SCD5: variants seen among roughly 807,000 people sequenced by gnomAD.
SCD5 encodes the protein acyl-CoA-desaturase 4.
In SCD5, 20 loss-of-function variants were observed where a neutral mutation model predicts 30.4. The observed-to-expected ratio is 0.66, with a 90% CI of 0.46 to 0.96. SCD5 has a LOEUF of 0.96. Ranked by LOEUF, SCD5 falls within the 40% of genes least tolerant of loss-of-function variation. The probability of loss-of-function intolerance (pLI) is 0.00; values close to 1 mark genes in which losing one functional copy is unlikely to be tolerated. For missense variants in SCD5, 381 were observed against 443.3 expected, an observed-to-expected ratio of 0.86 and a Z score of 1.26; for synonymous variants, 173 against 176.4, an observed-to-expected ratio of 0.98 and a Z score of 0.16.
At chr4:82,720,441 TAAAAA>T (rs1553917690) in intron 1 of SCD5, among the ~76,000 whole-genome samples, 10 of 77,896 alleles carry the variant, frequency 1.3e-4, no homozygotes, top group African/African-American at 4.8e-4. Context: ...AAGGCAAAAA[TAAAAA>T]AAAAAAAAAA....
chr4:82,784,500 T>C (rs547516389), intron 1 of SCD5, among the ~76,000 whole-genome samples: 16 of 152,306 alleles, frequency 1.1e-4, no homozygotes, highest in Admixed American at 6.5e-4. Flanking sequence ...TCAATTCTTT[T>C]TGGGGGGAGG....
chr4:82,695,473 A>G (rs145793704), intron 2 of SCD5, among the ~76,000 whole-genome samples: 1 of 152,330 alleles, frequency 6.6e-6, no homozygotes, highest in East Asian at 1.9e-4. Flanking sequence ...TGGCTTAAAA[A>G]TTGGTGAGGG....
At position 82,743,378 on chromosome 4, in the gene SCD5, T is replaced by G. The variant is rs1315146665; in HGVS notation, c.233-37965A>C. ...ATAAAAAACAAAAATTAGTGGGGTA[T>G]AGTGGCTCATACCTGTAGTCCCAGC... On this transcript the variant is annotated intron_variant, in intron 1 of 4. Transcript: ENST00000319540. Among the ~76,000 whole-genome samples, 3 of 152,016 alleles carry G rather than the reference T, an allele frequency of 2.0e-5. No individual in the cohort carries two copies. In the East Asian group the frequency reaches 5.8e-4, roughly 29 times the overall value.
rs114747399 is a variant in SCD5, at chr4:82,777,626, C to A, written c.232+20680G>T. 3.2e-3 allele frequency among the ~76,000 whole-genome samples: 491 copies of A among 152,302 alleles called. 4 individuals carry two copies. The highest frequency in any genetic ancestry group is 0.011 in the African/African-American group (465 of 41,550). ...TCACCATCTTGAAATTCTTAATAAT[C>A]ATTGAACAGGTGCTATATTTTCATT... On this transcript the variant is annotated intron_variant, in intron 1 of 4. Transcript: ENST00000319540.
intron 1 of SCD5, among the ~76,000 whole-genome samples, chr4:82,798,095 G>GGGGT (rs1378462547): frequency 4.0e-5 from 6 of 150,688 alleles, no homozygotes; most frequent in African/African-American, 1.2e-4. Context: ...GCGGGGGGGG[G>GGGGT]GCGGAAGTTG....
At chr4:82,795,571 T>C (rs966028181) in intron 1 of SCD5, among the ~76,000 whole-genome samples, 1 of 152,140 alleles carries the variant, frequency 6.6e-6, no homozygotes, top group African/African-American at 2.4e-5. Flanking sequence ...GGCTCACGCC[T>C]GTAATCCCAG....
At chr4:82,723,257 C>T (rs7686339) in intron 1 of SCD5, among the ~76,000 whole-genome samples, 2 of 151,756 alleles carry the variant, frequency 1.3e-5, no homozygotes, top group Admixed American at 6.6e-5. Context: ...TTGTTTGTGA[C>T]GTTTATTTAT....
chr4:82,648,609 G>C (rs970679112), intron 3 of SCD5, among the ~76,000 whole-genome samples: 4 of 152,204 alleles, frequency 2.6e-5, no homozygotes, highest in African/African-American at 9.7e-5. Context: ...GTCAGTTACT[G>C]TAAGAACTGG....
At chr4:82,648,525 G>A (rs1727677138) in intron 3 of SCD5, among the ~76,000 whole-genome samples, 1 of 25,548 alleles carries the variant, frequency 3.9e-5, no homozygotes, top group Admixed American at 5.0e-4. Context: ...AAACAACAGT[G>A]GATGCTCTGT....
At chr4:82,714,548 C>T (rs917805087) in intron 1 of SCD5, among the ~76,000 whole-genome samples, 1 of 152,056 alleles carries the variant, frequency 6.6e-6, no homozygotes, top group African/African-American at 2.4e-5. Context: ...GGTGTGAAGG[C>T]TGTGTGTGTT....
At chr4:82,775,043 C>T (rs1721716915) in intron 1 of SCD5, among the ~76,000 whole-genome samples, 1 of 152,218 alleles carries the variant, frequency 6.6e-6, no homozygotes, top group East Asian at 1.9e-4. Context: ...TGGCTCCCTT[C>T]CTCTCCCCCA....
chr4:82,636,725 G>A lies in SCD5; in HGVS notation c.668C>T (p.Ala223Val). 4 of 1,614,216 alleles carry A rather than the reference G, an allele frequency of 2.5e-6. No individual in the cohort carries two copies. Among genetic ancestry groups the A allele is most frequent in the Non-Finnish European group, 3.4e-6 (4 of 1,180,044 alleles). Residue 223 changes from alanine (A) to valine (V), a missense_variant, in exon 4 of 5, where the codon GCC (alanine) becomes GTC (valine). Physicochemically the swap from Ala to Val is moderately conservative, Grantham distance 64. Coordinates refer to ENST00000319540, the MANE Select transcript of SCD5 (RefSeq NM_001037582.3). Reference protein sequence around the residue: ...GESLWNSYFLASILRYTISLN... With the variant: ...GESLWNSYFLVSILRYTISLN... Reference sequence around the variant, plus strand: ...TGAGATGGTATAGCGGAGAATAGAGGCCAAGAAGTAGGAATTCCACAGACT... The same window carrying A: ...TGAGATGGTATAGCGGAGAATAGAGACCAAGAAGTAGGAATTCCACAGACT...
intron 1 of SCD5, among the ~76,000 whole-genome samples, chr4:82,797,926 C>T (rs1231762414): frequency 6.6e-6 from 1 of 152,166 alleles, no homozygotes; most frequent in Non-Finnish European, 1.5e-5. Flanking sequence ...AATCGCCCGC[C>T]CGTCCTCCCT....
At chr4:82,796,710 T>G (rs1425220957) in intron 1 of SCD5, among the ~76,000 whole-genome samples, 1 of 152,042 alleles carries the variant, frequency 6.6e-6, no homozygotes, top group Non-Finnish European at 1.5e-5. Context: ...GTCACCAGGC[T>G]CTGAGGACCA....
chr4:82,703,764 T>A (rs1370243057), intron 2 of SCD5, among the ~76,000 whole-genome samples: 1 of 152,216 alleles, frequency 6.6e-6, no homozygotes, highest in Non-Finnish European at 1.5e-5. Flanking sequence ...AAATGTTTTA[T>A]AACTACATGA....
At chr4:82,778,254 G>T (rs1247299257) in intron 1 of SCD5, among the ~76,000 whole-genome samples, 1 of 152,048 alleles carries the variant, frequency 6.6e-6, no homozygotes, top group Admixed American at 6.6e-5. Flanking sequence ...TAGAGGACAA[G>T]TCAATAGGTC....
intron 1 of SCD5, among the ~76,000 whole-genome samples, chr4:82,725,601 T>C (rs565994676): frequency 6.6e-6 from 1 of 152,284 alleles, no homozygotes; most frequent in Non-Finnish European, 1.5e-5. Context: ...GGCTCATGCC[T>C]GTAATCCTAG....
intron 2 of SCD5, among the ~76,000 whole-genome samples, chr4:82,702,631 AACAGAG>A (rs1719877032): frequency 1.3e-5 from 2 of 152,302 alleles, no homozygotes; most frequent in Admixed American, 1.3e-4. Flanking sequence ...GCTGATCCCA[AACAGAG>A]ACAGCTATGG....
At chr4:82,689,255 G>A (rs550726924) in intron 2 of SCD5, among the ~76,000 whole-genome samples, 1 of 152,266 alleles carries the variant, frequency 6.6e-6, no homozygotes, top group East Asian at 1.9e-4. Context: ...AAAAAATGAT[G>A]GGGCATGTCG....
Sources: gnomAD v4.1 joint callset for allele counts (sites outside exome capture counted in the v4.1 genomes callset) on GRCh38, gnomAD v4.1.1 for gene constraint, MANE v1.5 for transcripts, NCBI Gene and HGNC (gene_info 2026-07-23, HGNC 2026-07-21) for gene names.